The following CPEB1 variants were observed in gnomAD, a reference collection of about 807,000 sequenced individuals.
CPEB1 encodes the protein cytoplasmic polyadenylation element-binding protein 1.
CPEB1 carries 7 observed loss-of-function variants against 65.8 expected under a neutral mutation model. The ratio of observed to expected loss-of-function variants is 0.11; its 90% CI spans 0.06 to 0.20. CPEB1 has a LOEUF of 0.20. CPEB1 is among the 10% of genes least tolerant of loss of function. The pLI is 1.00. For synonymous variants in CPEB1, 262 were observed against 260.0 expected, an observed-to-expected ratio of 1.01 and a Z score of -0.08; for missense variants, 551 against 712.2, an observed-to-expected ratio of 0.77 and a Z score of 2.58.
intron 1 of CPEB1, among the ~76,000 whole-genome samples, chr15:82,636,275 T>C (rs1567238325): frequency 2.0e-5 from 3 of 152,220 alleles, no homozygotes; most frequent in Admixed American, 1.3e-4. Flanking sequence ...TCTCTCCCCT[T>C]CCCCAAAAAG....
intron 5 of CPEB1, 53 bp from the exon 6 acceptor site, chr15:82,556,175 T>C (rs2037166117): frequency 6.6e-7 from 1 of 1,506,308 alleles, no homozygotes; most frequent in Non-Finnish European, 8.9e-7. Flanking sequence ...TGTTATAAAG[T>C]AATAATCACA....
chr15:82,606,546 C>T (rs1467767856), intron 3 of CPEB1, among the ~76,000 whole-genome samples: 1,224 of 47,480 alleles, frequency 0.026, 76 homozygotes, highest in Middle Eastern at 0.058. Context: ...AGGCCGGGCG[C>T]GGTGGCTCAC....
rs755604152 is a variant in CPEB1 at position 82,555,964 on chromosome 15, T to A, written c.846A>T (p.Pro282=). ...PSPTSASKRW[P]GASVWPSWDL... is the part of the protein sequence containing the mutation. ...CCCAGGATGGCCACACAGAAGCTCC[T>A]GGCCATCTCTTTGAAGCACTGGTTG... The change falls in exon 6 of 13, where the codon CCA becomes CCT. Residue 282 remains proline, a synonymous_variant. Coordinates refer to ENST00000684509, the MANE Select transcript of CPEB1 (RefSeq NM_001365242.1). 1.2e-6 allele frequency: 2 copies of A among 1,613,768 alleles called. No individual in the cohort carries two copies. The highest frequency in any genetic ancestry group is 1.7e-6 in the Non-Finnish European group (2 of 1,179,862).
intron 3 of CPEB1, among the ~76,000 whole-genome samples, chr15:82,620,556 C>CG (rs1489557236): frequency 6.6e-6 from 1 of 151,944 alleles, no homozygotes; most frequent in Non-Finnish European, 1.5e-5. Flanking sequence ...CCAACACTTT[C>CG]GGAAGCCAAG....
At chr15:82,617,668 G>C (rs2044851307) in intron 3 of CPEB1, among the ~76,000 whole-genome samples, 4 of 150,630 alleles carry the variant, frequency 2.7e-5, no homozygotes, top group Admixed American at 2.6e-4. Context: ...GGATATACAG[G>C]AATTCTCTAT....
intron 3 of CPEB1, among the ~76,000 whole-genome samples, chr15:82,614,973 T>A (rs1194194823): frequency 1.3e-5 from 2 of 152,252 alleles, no homozygotes; most frequent in Non-Finnish European, 2.9e-5. Context: ...TAAGTGCAGT[T>A]ATGTGCATCA....
chr15:82,621,620 G>GAA (rs35287218), intron 3 of CPEB1, among the ~76,000 whole-genome samples: 94 of 130,434 alleles, frequency 7.2e-4, no homozygotes, highest in East Asian at 1.8e-3. Flanking sequence ...CTCCATCTCA[G>GAA]AAAAAAAAAA....
intron 6 of CPEB1, among the ~76,000 whole-genome samples, chr15:82,555,284 G>C (rs374257718): frequency 2.6e-5 from 4 of 152,250 alleles, no homozygotes; most frequent in South Asian, 4.1e-4. Flanking sequence ...TAAGTGCTGA[G>C]CCACCCAGGC....
intron 3 of CPEB1, 170 bp from the exon 4 acceptor site, chr15:82,571,702 G>C: frequency 7.0e-7 from 1 of 1,433,702 alleles, no homozygotes; most frequent in African/African-American, 1.4e-5. Context: ...GCTGGGGCAA[G>C]AGCAGTTGCC....
rs55698109 is a variant in CPEB1, at chr15:82,583,853, G to C, written c.272-12321C>G. Among the ~76,000 whole-genome samples, 1,137 of 152,222 alleles carry C rather than the reference G, an allele frequency of 7.5e-3. 13 individuals carry two copies. Among genetic ancestry groups the C allele is most frequent in the Non-Finnish European group, 8.4e-3 (574 of 67,998 alleles). On this transcript the variant is annotated intron_variant, in intron 3 of 12. Coordinates refer to ENST00000684509, the MANE Select transcript of CPEB1 (RefSeq NM_001365242.1). Reference sequence around the variant, plus strand: ...AATAATATTGAAATAGTAAATAAATGTCAAGGTATGTACAATGCCTGTAAA... The same window carrying C: ...AATAATATTGAAATAGTAAATAAATCTCAAGGTATGTACAATGCCTGTAAA...
chr15:82,564,584 C>T (rs112268631), intron 4 of CPEB1, among the ~76,000 whole-genome samples: 3,389 of 152,208 alleles, frequency 0.022, 110 homozygotes, highest in African/African-American at 0.078. Context: ...TGAGCCACTG[C>T]GCCCAGCCTA....
At chr15:82,634,682 G>T (rs983073304) in intron 1 of CPEB1, among the ~76,000 whole-genome samples, 1 of 152,112 alleles carries the variant, frequency 6.6e-6, no homozygotes, top group Non-Finnish European at 1.5e-5. Context: ...ACAAAAATGT[G>T]TTCACACTAA....
At chr15:82,620,412 A>C (rs2045196430) in intron 3 of CPEB1, among the ~76,000 whole-genome samples, 1 of 143,364 alleles carries the variant, frequency 7.0e-6, no homozygotes, top group Non-Finnish European at 1.5e-5. Flanking sequence ...GCGACAGAGC[A>C]AGACTCTGTC....
intron 1 of CPEB1, among the ~76,000 whole-genome samples, chr15:82,632,982 G>A (rs1263235939): frequency 6.6e-6 from 1 of 152,088 alleles, no homozygotes; most frequent in African/African-American, 2.4e-5. Context: ...TCAGACCAAT[G>A]TTTTACCATG....
At chr15:82,618,605 A>C (rs2044989100) in intron 3 of CPEB1, among the ~76,000 whole-genome samples, 1 of 152,166 alleles carries the variant, frequency 6.6e-6, no homozygotes, top group Non-Finnish European at 1.5e-5. Context: ...TGCACATAAG[A>C]AGGACTCAAA....
intron 3 of CPEB1, among the ~76,000 whole-genome samples, chr15:82,576,504 A>G (rs2040663326): frequency 6.6e-6 from 1 of 152,204 alleles, no homozygotes; most frequent in Non-Finnish European, 1.5e-5. Context: ...ATGGTGAAGG[A>G]TTTTGGGGTA....
At position 82,619,803 on chromosome 15, in the gene CPEB1, C is replaced by T. The variant is rs1009041580; in HGVS notation, c.271+7390G>A. Among the ~76,000 whole-genome samples, 13 of 152,110 alleles carry T rather than the reference C, an allele frequency of 8.5e-5. No individual in the cohort carries two copies. The East Asian group carries it at 1.9e-3, about 23-fold the overall frequency. ...AATTATTGATGAGGATATGAAACAA[C>T]CCAAACCATCGTACACCACTGGAAG... is the stretch of plus-strand genomic sequence containing the variant. On this transcript the variant is annotated intron_variant, in intron 3 of 12. Transcript: ENST00000684509.
intron 1 of CPEB1, among the ~76,000 whole-genome samples, chr15:82,636,391 A>G (rs1236471317): frequency 6.6e-6 from 1 of 152,104 alleles, no homozygotes; most frequent in Admixed American, 6.6e-5. Flanking sequence ...CCCTTCAGCT[A>G]TTCTCCACTC....
At chr15:82,593,155 G>C (rs572436975) in intron 3 of CPEB1, among the ~76,000 whole-genome samples, 1 of 152,324 alleles carries the variant, frequency 6.6e-6, no homozygotes, top group African/African-American at 2.4e-5. Flanking sequence ...AGACAACCAT[G>C]ATGTTTGCCG....
Sources: allele counts gnomAD v4.1 joint callset (sites outside exome capture counted in the v4.1 genomes callset), GRCh38; gene constraint gnomAD v4.1.1; transcripts MANE v1.5; gene names NCBI Gene and HGNC (gene_info 2026-07-23, HGNC 2026-07-21).